SV2B: variants seen among roughly 807,000 people sequenced by gnomAD.
SV2B encodes solute carrier family 22 member B2.
Under a neutral mutation model 73.9 loss-of-function variants are expected in SV2B, and 41 were observed. The observed-to-expected ratio is 0.56, with a 90% confidence interval of 0.43 to 0.72. The LOEUF is 0.72. Among genes scored for constraint, SV2B ranks in the 30% least tolerant of loss-of-function variants. The pLI is 0.00. For missense variants in SV2B, 764 were observed against 857.8 expected (o/e 0.89, Z 1.37); for synonymous variants, 314 against 314.2 (o/e 1.00, Z 0.01).
At chr15:91,159,227 C>T (rs528738283) in intron 1 of SV2B, among the ~76,000 whole-genome samples, 3 of 152,258 alleles carry the variant, frequency 2.0e-5, no homozygotes, top group South Asian at 4.2e-4. Flanking sequence ...GCTTGGCTTC[C>T]TTTCTGGGCT....
At position 91,268,539 on chromosome 15, in the gene SV2B, ACGGCG is replaced by A; in HGVS notation, c.1309_1313del (p.Gly437HisfsTer19). The stretch of plus-strand genomic sequence containing the variant: ...AAGGTGTTTTTTGGTGAGCATGTGT[ACGGCG>A]CCACAATCAACTTCACGATGGAAAA... On this transcript the variant is annotated frameshift_variant, in exon 9 of 13. Transcript: ENST00000394232. LOFTEE classifies it high-confidence loss of function. This position sits in a 1 kb window ranked among gnomAD's most constrained non-coding sequence, Gnocchi z 4.4. The A allele has an allele frequency of 6.2e-7, 1 of 1,614,070 alleles. No homozygotes were observed. Among genetic ancestry groups the A allele is most frequent in the Non-Finnish European group, 8.5e-7 (1 of 1,179,928 alleles).
At chr15:91,181,183 C>T (rs886158615) in intron 1 of SV2B, among the ~76,000 whole-genome samples, 2 of 152,216 alleles carry the variant, frequency 1.3e-5, no homozygotes, top group African/African-American at 4.8e-5. Context: ...GCCTGGGTTT[C>T]AGCAGCAGTG....
rs894821254 is a variant in SV2B, at chr15:91,284,649, G to A, written c.1708+428G>A. Among the ~76,000 whole-genome samples the A allele has an allele frequency of 6.6e-6, 1 of 152,164 alleles. No homozygotes were observed. The highest frequency in any genetic ancestry group is 2.4e-5 in the African/African-American group (1 of 41,444). On this transcript the variant is annotated intron_variant, in intron 11 of 12. Transcript: ENST00000394232. This position sits in a 1 kb window ranked among gnomAD's most constrained non-coding sequence, Gnocchi z 4.5. ...AATACCACTTTAGGCTTTGGAGTTG[G>A]ACAGAGTCATGTTGAAATCCTATCA...
At chr15:91,212,003 A>T (rs2045886192) in intron 1 of SV2B, among the ~76,000 whole-genome samples, 1 of 152,136 alleles carries the variant, frequency 6.6e-6, no homozygotes, top group Non-Finnish European at 1.5e-5. Context: ...CTCTACTGTG[A>T]GAAAAAAAAA....
intron 1 of SV2B, among the ~76,000 whole-genome samples, chr15:91,119,597 G>A (rs1179953671): frequency 6.6e-6 from 1 of 152,188 alleles, no homozygotes; most frequent in Non-Finnish European, 1.5e-5. Context: ...TTAGAAAGGT[G>A]GTATTTGCCA....
intron 1 of SV2B, among the ~76,000 whole-genome samples, chr15:91,116,281 T>G (rs1048363827): frequency 6.6e-6 from 1 of 152,236 alleles, no homozygotes; most frequent in African/African-American, 2.4e-5. Context: ...TCATTTGTGC[T>G]GCTTCTGTTT....
chr15:91,156,700 T>G (rs1383852689), intron 1 of SV2B, among the ~76,000 whole-genome samples: 1 of 152,148 alleles, frequency 6.6e-6, no homozygotes, highest in Non-Finnish European at 1.5e-5. Context: ...GAAAACAAAC[T>G]CAGACAAATC....
rs1212541925 is a variant in SV2B at position 91,132,253 on chromosome 15, C to T, written c.-392+31890C>T. 6.6e-6 allele frequency among the ~76,000 whole-genome samples: 1 copy of T among 152,198 alleles called. No individual in the cohort carries two copies. The highest frequency in any genetic ancestry group is 1.5e-5 in the Non-Finnish European group (1 of 68,032). On this transcript the variant is annotated intron_variant, in intron 1 of 12. Coordinates refer to ENST00000394232, the MANE Select transcript of SV2B (RefSeq NM_001323032.3). The surrounding 1 kb of genome is among the most constrained non-coding windows in gnomAD (Gnocchi z 4.6). ...GAAGTTTCCCATTGGCTGCTTCATG[C>T]TCACCTCATGTAAATGAAGTAGTAG... is the stretch of plus-strand genomic sequence containing the variant.
Position 91,281,648 on chromosome 15 carries a change from G to C in SV2B, c.1374-80G>C, listed in dbSNP as rs993266521. On this transcript the variant is annotated intron_variant, in intron 9 of 12. Coordinates refer to ENST00000394232, the MANE Select transcript of SV2B (RefSeq NM_001323032.3). This position sits in a 1 kb window ranked among gnomAD's most constrained non-coding sequence, Gnocchi z 4.7. ...TTTTGCTTGCACATCTCCTTTTTCT[G>C]CCTTGCTGTGTTTTCCATTTTGGTC... is the stretch of plus-strand genomic sequence containing the variant. 6 of 1,482,018 alleles carry C rather than the reference G, an allele frequency of 4.0e-6. No individual in the cohort carries two copies. Among genetic ancestry groups the C allele is most frequent in the Non-Finnish European group, 5.4e-6 (6 of 1,102,368 alleles). 91.8% of individuals were successfully genotyped at this position (1,482,018 alleles called of 1,614,324 possible). A position where few individuals can be genotyped will look rare whatever the true frequency, so the allele number is the denominator to read the frequency against.
intron 1 of SV2B, among the ~76,000 whole-genome samples, chr15:91,108,126 G>A (rs2041940384): frequency 6.6e-6 from 1 of 152,168 alleles, no homozygotes; most frequent in Admixed American, 6.5e-5. Context: ...TACCATACCA[G>A]CTGAAGGACT....
rs1379882119 is a variant in SV2B, at chr15:91,234,042, G to C, written c.451+7328G>C. ...AAGCAGAAATTCTGCATTTAATGTTGCAGCTTGTAGGGCTGGAAAAAACTC... is the reference window on the plus strand; with the variant it reads ...AAGCAGAAATTCTGCATTTAATGTTCCAGCTTGTAGGGCTGGAAAAAACTC... On this transcript the variant is annotated intron_variant, in intron 2 of 12. Transcript: ENST00000394232. The surrounding 1 kb of genome is among the most constrained non-coding windows in gnomAD (Gnocchi z 5.6). Among the ~76,000 whole-genome samples, 1 of 152,220 alleles carries C rather than the reference G, an allele frequency of 6.6e-6. No homozygotes were observed. The highest frequency in any genetic ancestry group is 1.5e-5 in the Non-Finnish European group (1 of 68,038).
chr15:91,183,903 C>T (rs184622371), intron 1 of SV2B, among the ~76,000 whole-genome samples: 20 of 152,272 alleles, frequency 1.3e-4, no homozygotes, highest in Admixed American at 4.6e-4. Context: ...TTGTCATCTG[C>T]TCGTCGTTTC....
chr15:91,125,004 G>A (rs980520261), intron 1 of SV2B, among the ~76,000 whole-genome samples: 2 of 152,198 alleles, frequency 1.3e-5, no homozygotes, highest in Non-Finnish European at 2.9e-5. Flanking sequence ...AGGTCAGGGT[G>A]TGGTCAGTGT....
rs987690634 is a variant in SV2B, at chr15:91,283,358, A to G, written c.1508-663A>G. On this transcript the variant is annotated intron_variant, in intron 10 of 12. Coordinates refer to ENST00000394232, the MANE Select transcript of SV2B (RefSeq NM_001323032.3). This position sits in a 1 kb window ranked among gnomAD's most constrained non-coding sequence, Gnocchi z 4.3. Reference sequence around the variant, plus strand: ...CCCCTATGCCAGGTAGCCTCCAAGGAGAGGCCTAGCTGCCGTGGCCCTCAG... The same window carrying G: ...CCCCTATGCCAGGTAGCCTCCAAGGGGAGGCCTAGCTGCCGTGGCCCTCAG... 1.9e-4 allele frequency among the ~76,000 whole-genome samples: 29 copies of G among 152,192 alleles called. No homozygotes were observed. Among genetic ancestry groups the G allele is most frequent in the African/African-American group, 5.8e-4 (24 of 41,442 alleles).
Position 91,253,012 on chromosome 15 carries a change from G to A in SV2B, c.784+492G>A, listed in dbSNP as rs115563356. Among the ~76,000 whole-genome samples the A allele has an allele frequency of 0.011, 1,688 of 152,210 alleles. 31 individuals are homozygous for A. The highest frequency in any genetic ancestry group is 0.037 in the African/African-American group (1,544 of 41,546). ...AGTAGGCTTGTACTCTTTCTGCCCT[G>A]GTGCCTGCTGTCACTCTTGTTTGGC... On this transcript the variant is annotated intron_variant, in intron 4 of 12. Transcript: ENST00000394232. The surrounding 1 kb of genome is among the most constrained non-coding windows in gnomAD (Gnocchi z 5.0).
intron 1 of SV2B, among the ~76,000 whole-genome samples, chr15:91,109,241 G>A (rs1352839032): frequency 1.3e-5 from 2 of 152,240 alleles, no homozygotes; most frequent in African/African-American, 4.8e-5. Flanking sequence ...GCAAGAGAAG[G>A]TAATTCTTCC....
intron 1 of SV2B, among the ~76,000 whole-genome samples, chr15:91,101,147 G>A (rs756209257): frequency 5.9e-5 from 9 of 152,176 alleles, no homozygotes; most frequent in Non-Finnish European, 1.0e-4. Context: ...GCCCCAGTGG[G>A]GTGGGGTGGG....
At chr15:91,248,145 C>A (rs571680106) in intron 2 of SV2B, among the ~76,000 whole-genome samples, 60 of 152,152 alleles carry the variant, frequency 3.9e-4, no homozygotes, top group Admixed American at 4.6e-4. Flanking sequence ...CACGGTGAAA[C>A]CCCGTCTCTA....
chr15:91,232,172 A>G lies in SV2B; in HGVS notation c.451+5458A>G, dbSNP rs2046602830. On this transcript the variant is annotated intron_variant, in intron 2 of 12. Coordinates refer to ENST00000394232, the MANE Select transcript of SV2B (RefSeq NM_001323032.3). This position sits in a 1 kb window ranked among gnomAD's most constrained non-coding sequence, Gnocchi z 4.7. ...TGGAGGGGGGTCACTTCTGTGGCAC[A>G]AAATATGTCCTCAGTGACCAAGTAT... 6.6e-6 allele frequency among the ~76,000 whole-genome samples: 1 copy of G among 152,204 alleles called. No homozygotes were observed. Among genetic ancestry groups the G allele is most frequent in the South Asian group, 2.1e-4 (1 of 4,830 alleles).
Sources: gnomAD v4.1 joint callset for allele counts (sites outside exome capture counted in the v4.1 genomes callset) on GRCh38, gnomAD v4.1.1 for gene constraint, Gnocchi (gnomAD v3.1) non-coding constraint, MANE v1.5 for transcripts, NCBI Gene and HGNC (gene_info 2026-07-23, HGNC 2026-07-21) for gene names.